Variants in ABLIM1 observed in about 807,000 individuals in gnomAD.
ABLIM1 encodes the protein actin-binding LIM protein 1.
Under a neutral mutation model 107.0 loss-of-function variants are expected in ABLIM1, and 40 were observed. That is an observed-to-expected ratio of 0.37 (90% CI 0.29 to 0.49). The LOEUF is 0.49. Among genes scored for constraint, ABLIM1 ranks in the 20% least tolerant of loss-of-function variants. ABLIM1 has a pLI of 0.97. For missense variants in ABLIM1, 857 were observed against 1,008.5 expected, an observed-to-expected ratio of 0.85 and a Z score of 2.04; for synonymous variants, 357 against 357.3, an observed-to-expected ratio of 1.00 and a Z score of 0.01.
At chr10:114,676,664 C>T (rs2141480266) in intron 1 of ABLIM1, among the ~76,000 whole-genome samples, 2 of 152,234 alleles carry the variant, frequency 1.3e-5, no homozygotes, top group East Asian at 1.9e-4. Flanking sequence ...CAATCTCAGG[C>T]TTAATGACTA....
rs1381733939 is a variant in ABLIM1 at position 114,571,479 on chromosome 10, C to A, written c.564-73G>T. On this transcript the variant is annotated intron_variant, in intron 3 of 22. Transcript: ENST00000533213. ...TCCTTTTCCTTATTCCTTCTGCTTG[C>A]TGCCCTCCGGTGCCCATTTATTTCT... The A allele has an allele frequency of 2.1e-6, 3 of 1,451,122 alleles. No homozygotes were observed. The Admixed American group carries it at 5.4e-5, about 26-fold the overall frequency. The allele number at this position is 1,451,122 out of a possible 1,614,324, so 89.9% of individuals were successfully genotyped here. A position where few individuals can be genotyped will look rare whatever the true frequency, so the allele number is the denominator to read the frequency against.
At chr10:114,523,110 C>T (rs1046615225) in intron 6 of ABLIM1, among the ~76,000 whole-genome samples, 3 of 152,076 alleles carry the variant, frequency 2.0e-5, no homozygotes, top group African/African-American at 7.2e-5. Context: ...AAGATTGCAC[C>T]ACTGCACTCC....
In ABLIM1 at chr10:114,439,079, G is replaced by C. The variant is rs1589657277; in HGVS notation, c.2142+97C>G. 3.4e-6 allele frequency: 5 copies of C among 1,450,436 alleles called. No individual in the cohort carries two copies. In the East Asian group the frequency reaches 1.1e-4, roughly 33 times the overall value. 89.8% of individuals were successfully genotyped at this position (1,450,436 alleles called of 1,614,324 possible). A position where few individuals can be genotyped will look rare whatever the true frequency, so the allele number is the denominator to read the frequency against. On this transcript the variant is annotated intron_variant, in intron 21 of 22. Coordinates refer to ENST00000533213, the MANE Select transcript of ABLIM1 (RefSeq NM_002313.7). ...TGACATGGCTCACCTGAACACACCA[G>C]CCTACAACACTTTGAGAATGATGAA...
the ABLIM1 span, among the ~76,000 whole-genome samples, chr10:114,792,705 A>C: frequency 6.6e-6 from 1 of 152,140 alleles, no homozygotes; most frequent in African/African-American, 2.4e-5. Context: ...CATGACTGTT[A>C]ATACTGTTCA....
At chr10:114,750,992 T>C (rs940039766) in intron 1 of ABLIM1, among the ~76,000 whole-genome samples, 8 of 152,318 alleles carry the variant, frequency 5.3e-5, no homozygotes, top group Non-Finnish European at 1.2e-4. Flanking sequence ...CTGCCTTAAC[T>C]AACAAATTTA....
chr10:114,798,108 TTA>T, the ABLIM1 span, among the ~76,000 whole-genome samples: 1 of 152,252 alleles, frequency 6.6e-6, no homozygotes, highest in Non-Finnish European at 1.5e-5. Context: ...CTAATTTGCC[TTA>T]TATATTTTTT....
intron 6 of ABLIM1, among the ~76,000 whole-genome samples, chr10:114,544,106 C>T (rs2483587): frequency 0.77 from 117,880 of 152,146 alleles, 46,242 homozygotes; most frequent in African/African-American, 0.91. Context: ...GTCTCTGAAA[C>T]GTGCCCTGCT....
chr10:114,436,183 GT>G lies in ABLIM1; in HGVS notation c.*76del, dbSNP rs1423493958. On this transcript the variant is annotated 3_prime_UTR_variant, in exon 23 of 23. Transcript: ENST00000533213. ...GGTAGTTTGCAAATTCTCCAATCAAGTTTGGGCCTCAATATGACATCCTATG... is the reference window on the plus strand; with the variant it reads ...GGTAGTTTGCAAATTCTCCAATCAAGTTGGGCCTCAATATGACATCCTATG... The G allele has an allele frequency of 8.4e-7, 1 of 1,188,926 alleles. No individual in the cohort carries two copies. The highest frequency in any genetic ancestry group is 1.2e-6 in the Non-Finnish European group (1 of 822,254). 73.6% of individuals were successfully genotyped at this position (1,188,926 alleles called of 1,614,324 possible).
chr10:114,472,416 T>C (rs1384463675), intron 10 of ABLIM1, among the ~76,000 whole-genome samples: 2 of 152,102 alleles, frequency 1.3e-5, no homozygotes, highest in Non-Finnish European at 2.9e-5. Context: ...AGAATGGCTG[T>C]CACATGGTCA....
chr10:114,727,422 A>G (rs2081983199), intron 1 of ABLIM1, among the ~76,000 whole-genome samples: 1 of 152,236 alleles, frequency 6.6e-6, no homozygotes, highest in African/African-American at 2.4e-5. Context: ...CCCAATGTTA[A>G]AGTGGTCTCT....
intron 1 of ABLIM1, among the ~76,000 whole-genome samples, chr10:114,653,262 C>T (rs1047139124): frequency 5.3e-5 from 8 of 152,174 alleles, no homozygotes; most frequent in African/African-American, 1.7e-4. Flanking sequence ...TTGGCACAGG[C>T]GAGGTATGGT....
In ABLIM1 at chr10:114,709,255, T is replaced by C. The variant is rs199547326; in HGVS notation, c.-213+58806A>G. 5.9e-5 allele frequency among the ~76,000 whole-genome samples: 9 copies of C among 152,286 alleles called. No individual in the cohort carries two copies. In the East Asian group the frequency reaches 1.5e-3, roughly 26 times the overall value. ...ACCCAACACTGGAGTTAGATGGGAATGCGTTCCTTAGCACCCAACACTGGA... is the reference window on the plus strand; with the variant it reads ...ACCCAACACTGGAGTTAGATGGGAACGCGTTCCTTAGCACCCAACACTGGA... On this transcript the variant is annotated intron_variant, in intron 1 of 15. Coordinates refer to the ABLIM1 transcript ENST00000651092.
chr10:114,796,758 T>A, the ABLIM1 span, among the ~76,000 whole-genome samples: 1 of 152,222 alleles, frequency 6.6e-6, no homozygotes, highest in African/African-American at 2.4e-5. Context: ...GCTTTTCCAC[T>A]GTCATGTCAA....
chr10:114,632,650 C>A (rs2078262358), intron 1 of ABLIM1: 1 of 985,428 alleles, frequency 1.0e-6, no homozygotes, highest in Non-Finnish European at 1.2e-6. Flanking sequence ...GGAAGAGGAT[C>A]TTTCAGGATT....
At chr10:114,772,422 C>G (rs144806587), upstream of ABLIM1, among the ~76,000 whole-genome samples, 793 of 151,420 alleles carry the variant, frequency 5.2e-3, 10 homozygotes, top group African/African-American at 0.018. Context: ...GACAACATGG[C>G]AAAACCCTAA....
intron 1 of ABLIM1, among the ~76,000 whole-genome samples, chr10:114,734,092 T>G (rs1179768194): frequency 6.6e-6 from 1 of 152,160 alleles, no homozygotes; most frequent in Non-Finnish European, 1.5e-5. Flanking sequence ...ACTTCTGACC[T>G]CAGGTGATCC....
intron 1 of ABLIM1, among the ~76,000 whole-genome samples, chr10:114,747,164 G>A (rs1283389890): frequency 6.6e-6 from 1 of 152,152 alleles, no homozygotes; most frequent in African/African-American, 2.4e-5. Flanking sequence ...GGCATTCCAG[G>A]TGGAAACAGA....
chr10:114,792,887 CA>C, the ABLIM1 span, among the ~76,000 whole-genome samples: 9 of 152,208 alleles, frequency 5.9e-5, no homozygotes, highest in African/African-American at 2.2e-4. Context: ...TGCAGTGGCT[CA>C]TGCCTGTAAT....
At chr10:114,688,469 ACTTCATAAACTGCAAAG>A (rs538530339), upstream of ABLIM1, among the ~76,000 whole-genome samples, 61 of 152,280 alleles carry the variant, frequency 4.0e-4, 2 homozygotes, top group South Asian at 8.5e-3. Flanking sequence ...GGTCCTATAA[ACTTCATAAACTGCAAAG>A]CTTCATAAAC....
Sources: gnomAD v4.1 joint callset for allele counts (sites outside exome capture counted in the v4.1 genomes callset) on GRCh38, gnomAD v4.1.1 for gene constraint, MANE v1.5 for transcripts, NCBI Gene and HGNC (gene_info 2026-07-23, HGNC 2026-07-21) for gene names.